Variants in SOX6 observed in about 807,000 individuals in gnomAD.
SOX6 encodes SRY-box transcription factor 6.
In SOX6, 11 loss-of-function variants were observed where a neutral mutation model predicts 97.8. The observed-to-expected ratio is 0.11, with a 90% CI of 0.07 to 0.19. The LOEUF (loss-of-function observed/expected upper bound fraction) is 0.19. Ranked by LOEUF, SOX6 falls within the 10% of genes least tolerant of loss-of-function variation. SOX6 has a pLI of 1.00. For missense variants in SOX6, 810 were observed against 1,039.5 expected (o/e 0.78, Z 3.04); for synonymous variants, 360 against 371.4 (o/e 0.97, Z 0.35).
At chr11:16,162,313 T>A in intron 6 of SOX6, among the ~76,000 whole-genome samples, 1 of 152,300 alleles carries the variant, frequency 6.6e-6, no homozygotes, top group Middle Eastern at 3.4e-3. Flanking sequence ...TGTCAGTAAC[T>A]AGATGTTTTC....
intron 6 of SOX6, among the ~76,000 whole-genome samples, chr11:16,165,110 T>TA (rs920644037): frequency 6.6e-6 from 1 of 152,206 alleles, no homozygotes; most frequent in Non-Finnish European, 1.5e-5. Context: ...CAGCAAGTGT[T>TA]ACTGTTCTAC....
intron 3 of SOX6, among the ~76,000 whole-genome samples, chr11:16,652,995 C>CA (rs1338615230): frequency 1.3e-5 from 2 of 151,818 alleles, no homozygotes; most frequent in Non-Finnish European, 2.9e-5. Flanking sequence ...CACAAATGGC[C>CA]AAAAAACATA....
At chr11:16,569,725 C>T (rs1360817160) in intron 4 of SOX6, among the ~76,000 whole-genome samples, 31 of 151,500 alleles carry the variant, frequency 2.0e-4, no homozygotes, top group African/African-American at 7.0e-4. Context: ...AAAAATTAGC[C>T]GGGCGTGGTG....
At chr11:16,430,165 A>G (rs17470652) in intron 1 of SOX6, among the ~76,000 whole-genome samples, 47,244 of 151,930 alleles carry the variant, frequency 0.31, 8,307 homozygotes, top group Non-Finnish European at 0.4. Flanking sequence ...TTTGCCTAAA[A>G]CATTTTACAT....
At chr11:16,717,873 T>G (rs2134051604) in intron 2 of SOX6, among the ~76,000 whole-genome samples, 1 of 152,170 alleles carries the variant, frequency 6.6e-6, no homozygotes, top group Admixed American at 6.5e-5. Context: ...GTTCTTTTTT[T>G]TTTTTAAGCT....
intron 3 of SOX6, among the ~76,000 whole-genome samples, chr11:16,307,894 C>A (rs528377928): frequency 2.0e-5 from 3 of 152,182 alleles, no homozygotes; most frequent in Non-Finnish European, 2.9e-5. Flanking sequence ...GGGGAATCCA[C>A]AGTCTTCTAA....
In SOX6 at chr11:16,633,356, T is replaced by C. The variant is rs139504187; in HGVS notation, n.430-21096A>G. ...TTAAATTTCTGGATGTATGTTCCTC[T>C]CTTTATATATTCTCTGAAACAGTTT... On this transcript the variant is annotated intron_variant and non_coding_transcript_variant, in intron 3 of 5. Coordinates refer to the SOX6 transcript ENST00000524520. Among the ~76,000 whole-genome samples the C allele has an allele frequency of 6.0e-3, 914 of 152,376 alleles. 6 individuals carry two copies. Among genetic ancestry groups the C allele is most frequent in the African/African-American group, 0.021 (876 of 41,588 alleles).
chr11:16,132,336 A>AG (rs1849781503), intron 6 of SOX6, among the ~76,000 whole-genome samples: 1 of 95,776 alleles, frequency 1.0e-5, no homozygotes, highest in Admixed American at 1.3e-4. Context: ...GGAAGGAAAG[A>AG]AAAAAGAAAG....
At chr11:16,665,796 G>A (rs969357008) in intron 3 of SOX6, among the ~76,000 whole-genome samples, 1 of 152,176 alleles carries the variant, frequency 6.6e-6, no homozygotes, top group African/African-American at 2.4e-5. Flanking sequence ...GGTGGCCACA[G>A]GGGTGCTTGT....
At chr11:16,172,921 C>T (rs1851076991) in intron 6 of SOX6, among the ~76,000 whole-genome samples, 1 of 152,020 alleles carries the variant, frequency 6.6e-6, no homozygotes, top group East Asian at 1.9e-4. Flanking sequence ...CAAGTTGGGG[C>T]TGCAGACTTT....
At chr11:16,349,011 C>T (rs1856838537) in intron 1 of SOX6, among the ~76,000 whole-genome samples, 1 of 152,084 alleles carries the variant, frequency 6.6e-6, no homozygotes, top group Non-Finnish European at 1.5e-5. Context: ...TATTGGCTCA[C>T]TACCAAAGTG....
intron 1 of SOX6, among the ~76,000 whole-genome samples, chr11:16,403,391 G>C (rs1022677305): frequency 1.3e-5 from 2 of 151,702 alleles, no homozygotes; most frequent in African/African-American, 4.8e-5. Flanking sequence ...GGTCTGTGCG[G>C]CCATACCGGC....
At chr11:16,108,331 A>G (rs893046921) in intron 7 of SOX6, among the ~76,000 whole-genome samples, 2 of 152,164 alleles carry the variant, frequency 1.3e-5, no homozygotes, top group African/African-American at 4.8e-5. Flanking sequence ...CATGTAAAAA[A>G]TTCCAACTAC....
chr11:16,431,823 C>T (rs995207748), intron 1 of SOX6, among the ~76,000 whole-genome samples: 5 of 152,016 alleles, frequency 3.3e-5, no homozygotes, highest in South Asian at 2.1e-4. Flanking sequence ...TTGAATTATA[C>T]AAGGCATTAT....
chr11:16,222,101 T>C (rs1328571055), intron 4 of SOX6, among the ~76,000 whole-genome samples: 1 of 152,148 alleles, frequency 6.6e-6, no homozygotes, highest in Non-Finnish European at 1.5e-5. Flanking sequence ...CAAAAATTTA[T>C]CAAAGCCGAC....
chr11:16,363,497 G>A (rs1025525078), intron 1 of SOX6, among the ~76,000 whole-genome samples: 2 of 152,076 alleles, frequency 1.3e-5, no homozygotes, highest in African/African-American at 2.4e-5. Context: ...AAGCATTTTG[G>A]TTATGAGATA....
At chr11:16,619,302 A>G (rs1306392098) in intron 3 of SOX6, among the ~76,000 whole-genome samples, 1 of 151,190 alleles carries the variant, frequency 6.6e-6, no homozygotes, top group Admixed American at 6.6e-5. Flanking sequence ...TTATTTATTG[A>G]ACCAGGCACC....
chr11:16,109,183 T>A (rs1240503623), intron 7 of SOX6, among the ~76,000 whole-genome samples: 1 of 151,922 alleles, frequency 6.6e-6, no homozygotes, highest in Non-Finnish European at 1.5e-5. Flanking sequence ...TTTCTTTTCT[T>A]TTTTATTTTA....
chr11:16,127,345 C>A (rs1040135547), intron 6 of SOX6, among the ~76,000 whole-genome samples: 12 of 152,000 alleles, frequency 7.9e-5, no homozygotes, highest in African/African-American at 1.9e-4. Context: ...TACTTACTCA[C>A]CTCTAGCATT....
Sources: allele counts gnomAD v4.1 joint callset (sites outside exome capture counted in the v4.1 genomes callset), GRCh38; gene constraint gnomAD v4.1.1; transcripts MANE v1.5; gene names NCBI Gene and HGNC (gene_info 2026-07-23, HGNC 2026-07-21).